RPH3A: variants seen among roughly 807,000 people sequenced by gnomAD.
The protein encoded by RPH3A is rabphilin 3A, also known as rabphilin-3A.
In RPH3A, 48 loss-of-function variants were observed where a neutral mutation model predicts 102.2. That is an observed-to-expected ratio of 0.47 (90% CI 0.37 to 0.60). The LOEUF (loss-of-function observed/expected upper bound fraction) is 0.60, where lower values mean the gene tolerates loss of function less well. Ranked by LOEUF, RPH3A falls within the 20% of genes least tolerant of loss-of-function variation. The pLI is 0.00. For synonymous variants in RPH3A, 310 were observed against 324.3 expected (o/e 0.96, Z 0.47); for missense variants, 781 against 910.1 (o/e 0.86, Z 1.83).
At chr12:112,602,276 C>T (rs1159295179) in intron 1 of RPH3A, among the ~76,000 whole-genome samples, 1 of 152,154 alleles carries the variant, frequency 6.6e-6, no homozygotes, top group African/African-American at 2.4e-5. Context: ...CTTCATGGTG[C>T]CTTTCTAACA....
At chr12:112,694,634 G>A (rs1373873478) in intron 1 of RPH3A, among the ~76,000 whole-genome samples, 1 of 108,794 alleles carries the variant, frequency 9.2e-6, no homozygotes, top group Non-Finnish European at 1.8e-5. Flanking sequence ...ACACACGCAC[G>A]CGCGCGCGCG....
chr12:112,659,154 C>A (rs2040033392), intron 1 of RPH3A, among the ~76,000 whole-genome samples: 2 of 152,024 alleles, frequency 1.3e-5, no homozygotes, highest in South Asian at 4.1e-4. Context: ...TGTTTATGTC[C>A]CACAAACAAA....
At chr12:112,797,647 G>C (rs56917368) in intron 2 of RPH3A, among the ~76,000 whole-genome samples, 2,529 of 152,084 alleles carry the variant, frequency 0.017, 72 homozygotes, top group African/African-American at 0.058. Context: ...AGCCAGGCTA[G>C]GTCTTTGGGA....
chr12:112,847,064 A>G (rs538899968), intron 4 of RPH3A, among the ~76,000 whole-genome samples: 1 of 152,294 alleles, frequency 6.6e-6, no homozygotes, highest in Non-Finnish European at 1.5e-5. Flanking sequence ...CACACAGGGG[A>G]CTTACATGAG....
chr12:112,815,916 A>G (rs2041663225), intron 2 of RPH3A, among the ~76,000 whole-genome samples: 1 of 152,188 alleles, frequency 6.6e-6, no homozygotes, highest in Admixed American at 6.5e-5. Flanking sequence ...CCGCTTTATC[A>G]AGGAATTGGG....
Position 112,576,284 on chromosome 12 carries a change from C to A in RPH3A, c.-140+965C>A, listed in dbSNP as rs539740169. ...GCTGTGGGGGTCGCCAGGAGCGCTG[C>A]CAGGCAGGATTGCAGACCCTGTGTG... On this transcript the variant is annotated intron_variant, in intron 1 of 21. Coordinates refer to the RPH3A transcript ENST00000543106. Among the ~76,000 whole-genome samples the A allele has an allele frequency of 7.2e-5, 11 of 152,324 alleles. No individual in the cohort carries two copies. The East Asian group carries it at 1.9e-3, about 27-fold the overall frequency.
At chr12:112,700,179 C>T (rs1279401007) in intron 1 of RPH3A, among the ~76,000 whole-genome samples, 4 of 151,922 alleles carry the variant, frequency 2.6e-5, no homozygotes, top group African/African-American at 9.7e-5. Context: ...AAGCGATTCT[C>T]CTGCCTCAGC....
At chr12:112,654,374 CCTT>C (rs1416554216) in intron 1 of RPH3A, among the ~76,000 whole-genome samples, 1 of 151,886 alleles carries the variant, frequency 6.6e-6, no homozygotes, top group African/African-American at 2.4e-5. Context: ...GGATTCTTTT[CCTT>C]CTTCTGCAGT....
chr12:112,850,781 T>A (rs1435720795), intron 5 of RPH3A: 1 of 152,196 alleles, frequency 6.6e-6, no homozygotes, highest in African/African-American at 2.4e-5. Flanking sequence ...GGGTGCTAAC[T>A]GGGGCTCCCA....
chr12:112,768,969 T>C (rs1459333294), intron 1 of RPH3A, among the ~76,000 whole-genome samples: 4 of 152,166 alleles, frequency 2.6e-5, no homozygotes, highest in Non-Finnish European at 5.9e-5. Flanking sequence ...TAGTACACCC[T>C]ATTCACCTTC....
chr12:112,588,271 C>T (rs1396796697), intron 1 of RPH3A, among the ~76,000 whole-genome samples: 2 of 152,166 alleles, frequency 1.3e-5, no homozygotes, highest in African/African-American at 4.8e-5. Context: ...AAAGACACAC[C>T]TGAGACTGAG....
chr12:112,668,283 G>A (rs961992359), intron 1 of RPH3A, among the ~76,000 whole-genome samples: 2 of 152,108 alleles, frequency 1.3e-5, no homozygotes, highest in Admixed American at 6.6e-5. Context: ...CTTTAAGATT[G>A]TTCATCTTGA....
rs149064200 is a variant in RPH3A at position 112,579,514 on chromosome 12, C to A, written c.-140+4195C>A. Among the ~76,000 whole-genome samples, 22 of 152,032 alleles carry A rather than the reference C, an allele frequency of 1.4e-4. No homozygotes were observed. The East Asian group carries it at 3.9e-3, about 27-fold the overall frequency. On this transcript the variant is annotated intron_variant, in intron 1 of 21. Coordinates refer to the RPH3A transcript ENST00000543106. The stretch of plus-strand genomic sequence containing the variant: ...CTCCTCTTGCTCCTTTTCATCTTTC[C>A]TCTTGTATTAAAAAAAAATTCTGGT...
chr12:112,611,028 T>C (rs78492114), intron 1 of RPH3A, among the ~76,000 whole-genome samples: 2,187 of 152,384 alleles, frequency 0.014, 56 homozygotes, highest in African/African-American at 0.05. Flanking sequence ...TTCGTCATCT[T>C]GTTCATGGCT....
At chr12:112,604,511 A>G (rs1285306235) in intron 1 of RPH3A, among the ~76,000 whole-genome samples, 1 of 152,046 alleles carries the variant, frequency 6.6e-6, no homozygotes, top group Non-Finnish European at 1.5e-5. Flanking sequence ...CCCTATCCTC[A>G]CTTTTTATTC....
At chr12:112,745,334 C>T (rs1202833431) in intron 1 of RPH3A, among the ~76,000 whole-genome samples, 2 of 152,152 alleles carry the variant, frequency 1.3e-5, no homozygotes, top group Non-Finnish European at 2.9e-5. Context: ...GATACAGTTT[C>T]CCCCTTTGTA....
rs1368803394 is a variant in RPH3A, at chr12:112,890,942, A to G, written c.1714A>G (p.Ile572Val). The stretch of plus-strand genomic sequence containing the variant: ...GCAGGGAGGCCTCATTGTGGGCATC[A>G]TACGCTGCGTGCACCTGGCTGCCAT... ...TQQGGLIVGI[I>V]RCVHLAAMDA... The change falls in exon 19 of 22, where the codon ATA becomes GTA. Residue 572 changes from isoleucine to valine, a missense_variant. By Grantham distance (29) the Ile-to-Val change is conservative. Transcript: ENST00000389385. 2 of 1,614,150 alleles carry G rather than the reference A, an allele frequency of 1.2e-6. No homozygotes were observed. Among genetic ancestry groups the G allele is most frequent in the Non-Finnish European group, 1.7e-6 (2 of 1,180,022 alleles).
intron 1 of RPH3A, among the ~76,000 whole-genome samples, chr12:112,629,518 G>C (rs950057622): frequency 2.1e-5 from 3 of 144,020 alleles, no homozygotes; most frequent in East Asian, 2.1e-4. Flanking sequence ...ACCCAGGCTG[G>C]AGTGCGGTGG....
intron 1 of RPH3A, among the ~76,000 whole-genome samples, chr12:112,702,330 A>C (rs1418151324): frequency 6.6e-6 from 1 of 152,222 alleles, no homozygotes; most frequent in Non-Finnish European, 1.5e-5. Context: ...GAGACTTGCA[A>C]CAAATTCTCT....
Sources: allele counts gnomAD v4.1 joint callset (sites outside exome capture counted in the v4.1 genomes callset), GRCh38; gene constraint gnomAD v4.1.1; transcripts MANE v1.5; gene names NCBI Gene and HGNC (gene_info 2026-07-23, HGNC 2026-07-21).